The following PLD5 variants were observed in gnomAD, a reference collection of about 807,000 sequenced individuals.
The protein encoded by PLD5 is phospholipase D family member 5.
Under a neutral mutation model 61.1 loss-of-function variants are expected in PLD5, and 36 were observed. The observed-to-expected ratio is 0.59, with a 90% CI of 0.45 to 0.78. The LOEUF is 0.78. Among genes scored for constraint, PLD5 ranks in the 30% least tolerant of loss-of-function variants. PLD5 has a pLI of 0.00. For missense variants in PLD5, 515 were observed against 644.4 expected (o/e 0.80, Z 2.17); for synonymous variants, 243 against 242.8 (o/e 1.00, Z -0.01).
intron 9 of PLD5, among the ~76,000 whole-genome samples, chr1:242,090,887 T>C (rs1281965481): frequency 3.3e-5 from 5 of 152,140 alleles, no homozygotes; most frequent in African/African-American, 4.8e-5. Context: ...GGACATTTTC[T>C]ATTTTCTTTT....
intron 1 of PLD5, among the ~76,000 whole-genome samples, chr1:242,421,042 T>C (rs1021061729): frequency 1.3e-5 from 2 of 151,606 alleles, no homozygotes; most frequent in Non-Finnish European, 2.9e-5. Flanking sequence ...TAGCCGGGCG[T>C]GGTGGCACGC....
chr1:242,526,993 T>C (rs557805533), upstream of PLD5, among the ~76,000 whole-genome samples: 589 of 152,188 alleles, frequency 3.9e-3, 6 homozygotes, highest in African/African-American at 0.014. Context: ...TGTTCTACCA[T>C]AGAAGAATTT....
chr1:242,224,295 C>T (rs1670789628), intron 4 of PLD5, among the ~76,000 whole-genome samples: 1 of 152,040 alleles, frequency 6.6e-6, no homozygotes, highest in South Asian at 2.1e-4. Context: ...AAAAATTTGA[C>T]AAATTTTTAT....
At chr1:242,191,836 G>T (rs761969111) in intron 5 of PLD5, among the ~76,000 whole-genome samples, 2 of 151,414 alleles carry the variant, frequency 1.3e-5, no homozygotes, top group Admixed American at 6.6e-5. Context: ...AGGGAAGGAG[G>T]GGGTACAGAC....
At position 242,238,270 on chromosome 1, in the gene PLD5, C is replaced by G. The variant is rs1039377893; in HGVS notation, c.608-18155G>C. Reference sequence around the variant, plus strand: ...GCAGAGTCCTGAAAACAATAAAACACCTAATGCCAGAAGCCATCTGAATTT... The same window carrying G: ...GCAGAGTCCTGAAAACAATAAAACAGCTAATGCCAGAAGCCATCTGAATTT... On this transcript the variant is annotated intron_variant, in intron 4 of 9. Transcript: ENST00000536534. Among the ~76,000 whole-genome samples, 4 of 152,262 alleles carry G rather than the reference C, an allele frequency of 2.6e-5. No individual in the cohort carries two copies. The East Asian group carries it at 7.7e-4, about 29-fold the overall frequency.
At chr1:242,141,251 G>A (rs979419778) in intron 5 of PLD5, among the ~76,000 whole-genome samples, 3 of 152,148 alleles carry the variant, frequency 2.0e-5, no homozygotes, top group African/African-American at 7.2e-5. Context: ...CAATCCTGCA[G>A]GGAGTTTCCT....
At chr1:242,453,404 ATAAG>A (rs1666849332) in intron 1 of PLD5, among the ~76,000 whole-genome samples, 2 of 152,250 alleles carry the variant, frequency 1.3e-5, no homozygotes, top group African/African-American at 4.8e-5. Context: ...CAAAATGCAT[ATAAG>A]TAATACCTAT....
chr1:242,436,240 A>T (rs1317582479), intron 1 of PLD5, among the ~76,000 whole-genome samples: 14 of 152,230 alleles, frequency 9.2e-5, no homozygotes, highest in South Asian at 6.2e-4. Context: ...ATTTACTTTA[A>T]CATTTCTTTC....
At chr1:242,306,301 C>T (rs3001690) in intron 2 of PLD5, among the ~76,000 whole-genome samples, 1 of 139,872 alleles carries the variant, frequency 7.1e-6, no homozygotes, top group Admixed American at 7.4e-5. Flanking sequence ...ATCTGAGTTG[C>T]TGGGCTGAGA....
At chr1:242,478,395 G>A (rs1667664405) in intron 1 of PLD5, among the ~76,000 whole-genome samples, 1 of 152,162 alleles carries the variant, frequency 6.6e-6, no homozygotes, top group African/African-American at 2.4e-5. Context: ...AGAATCCAGA[G>A]GAGCAGGTAG....
intron 1 of PLD5, among the ~76,000 whole-genome samples, chr1:242,501,809 T>TATATAC (rs1491464865): frequency 4.6e-4 from 67 of 145,728 alleles, no homozygotes; most frequent in Admixed American, 2.7e-4. Flanking sequence ...TATATATATA[T>TATATAC]ACACTACATC....
Position 242,377,473 on chromosome 1 carries a change from T to C in PLD5, c.190-29231A>G. On this transcript the variant is annotated intron_variant, in intron 1 of 9. Coordinates refer to ENST00000536534, the MANE Select transcript of PLD5 (RefSeq NM_001372062.1). The stretch of plus-strand genomic sequence containing the variant: ...GTGGCATCTGTCATTTCTTTAATTC[T>C]TTAATAGTAAACACAGCTTCTTCCA... 5.7e-6 allele frequency: 4 copies of C among 698,854 alleles called. 1 individual carries two copies. In the South Asian group the frequency reaches 7.3e-5, roughly 13 times the overall value. 43.3% of individuals were successfully genotyped at this position (698,854 alleles called of 1,614,324 possible).
At chr1:242,181,009 C>CA (rs1189206860) in intron 5 of PLD5, among the ~76,000 whole-genome samples, 2 of 151,800 alleles carry the variant, frequency 1.3e-5, no homozygotes, top group African/African-American at 2.4e-5. Context: ...AACAAACAAA[C>CA]AAAAAAACAC....
At chr1:242,112,947 C>T (rs952424424) in intron 7 of PLD5, among the ~76,000 whole-genome samples, 3 of 152,202 alleles carry the variant, frequency 2.0e-5, no homozygotes, top group African/African-American at 7.2e-5. Flanking sequence ...AATTCCATCC[C>T]TGAATTTATT....
At chr1:242,490,421 C>A (rs911346448) in intron 1 of PLD5, among the ~76,000 whole-genome samples, 6 of 152,276 alleles carry the variant, frequency 3.9e-5, no homozygotes, top group Non-Finnish European at 7.4e-5. Context: ...TACAAATTTT[C>A]TTTCAGTCTT....
At position 242,204,429 on chromosome 1, in the gene PLD5, G is replaced by A. The variant is rs1180499603; in HGVS notation, c.735+15559C>T. Among the ~76,000 whole-genome samples the A allele has an allele frequency of 6.6e-5, 10 of 152,170 alleles. 2 individuals are homozygous for A. The highest frequency in any genetic ancestry group is 5.2e-4 in the Admixed American group (8 of 15,278). On this transcript the variant is annotated intron_variant, in intron 5 of 9. Transcript: ENST00000536534. ...GGCCACTAGTCCATGCCCCTTGACC[G>A]GGACAGTAACCAAGGCGTTGCTGCC...
chr1:242,215,304 A>C (rs531992384), intron 5 of PLD5, among the ~76,000 whole-genome samples: 2 of 152,236 alleles, frequency 1.3e-5, no homozygotes, highest in Admixed American at 1.3e-4. Flanking sequence ...TGGAATATCC[A>C]ACATTCCACA....
chr1:242,279,162 A>G (rs1421628955), intron 3 of PLD5, among the ~76,000 whole-genome samples: 3 of 152,234 alleles, frequency 2.0e-5, no homozygotes, highest in Admixed American at 6.5e-5. Flanking sequence ...ACTCATTTAC[A>G]TCACTACTGA....
intron 1 of PLD5, among the ~76,000 whole-genome samples, chr1:242,401,382 G>A (rs1663923001): frequency 6.6e-6 from 1 of 152,034 alleles, no homozygotes. Flanking sequence ...AGAAGCCCGA[G>A]TGGTCTTCTG....
Sources: gnomAD v4.1 joint callset for allele counts (sites outside exome capture counted in the v4.1 genomes callset) on GRCh38, gnomAD v4.1.1 for gene constraint, MANE v1.5 for transcripts, NCBI Gene and HGNC (gene_info 2026-07-23, HGNC 2026-07-21) for gene names.